Variants in TMEM87A observed in about 807,000 individuals in gnomAD.
The protein encoded by TMEM87A is Golgi-pH regulating cation channel.
A neutral mutation model predicts 90.0 loss-of-function variants in TMEM87A; 50 were observed. The ratio of observed to expected loss-of-function variants is 0.56; its 90% CI spans 0.44 to 0.70. TMEM87A has a LOEUF of 0.70. Ranked by LOEUF, TMEM87A falls within the 30% of genes least tolerant of loss-of-function variation. The probability of loss-of-function intolerance (pLI) is 0.00; values close to 1 mark genes in which losing one functional copy is unlikely to be tolerated. For synonymous variants in TMEM87A, 226 were observed against 226.7 expected (o/e 1.00, Z 0.03); for missense variants, 577 against 660.5 (o/e 0.87, Z 1.39).
intron 3 of TMEM87A, among the ~76,000 whole-genome samples, chr15:42,264,766 A>C (rs2051368767): frequency 6.7e-6 from 1 of 148,262 alleles, no homozygotes; most frequent in Non-Finnish European, 1.5e-5. Flanking sequence ...GGTAAACTGA[A>C]CTCACAGGGA....
At chr15:42,232,177 GC>G in intron 11 of TMEM87A, among the ~76,000 whole-genome samples, 1 of 152,202 alleles carries the variant, frequency 6.6e-6, no homozygotes, top group Non-Finnish European at 1.5e-5. Flanking sequence ...AATTGAAATG[GC>G]CTAGAGAACC....
chr15:42,228,651 T>C (rs2050637151), intron 13 of TMEM87A, 61 bp downstream of exon 13: 3 of 1,443,354 alleles, frequency 2.1e-6, no homozygotes, highest in Non-Finnish European at 2.9e-6. Context: ...GCCTTTCAGG[T>C]TAAGAATGTC....
chr15:42,256,289 C>T (rs572802190), intron 6 of TMEM87A, among the ~76,000 whole-genome samples: 1 of 151,992 alleles, frequency 6.6e-6, no homozygotes, highest in Non-Finnish European at 1.5e-5. Context: ...TACAGGTGTA[C>T]CCCACCACAC....
intron 15 of TMEM87A, among the ~76,000 whole-genome samples, chr15:42,224,876 C>A (rs2050561091): frequency 6.6e-6 from 1 of 150,894 alleles, no homozygotes; most frequent in Non-Finnish European, 1.5e-5. Flanking sequence ...AGAAAGGGGG[C>A]AATGTTTTAA....
intron 6 of TMEM87A, among the ~76,000 whole-genome samples, chr15:42,252,045 C>T (rs530054207): frequency 1.4e-4 from 22 of 152,386 alleles, no homozygotes; most frequent in East Asian, 5.8e-4. Flanking sequence ...GCGTGGGACC[C>T]GCTGAGCCAG....
At chr15:42,263,854 T>A (rs2051344493) in intron 4 of TMEM87A, among the ~76,000 whole-genome samples, 1 of 152,224 alleles carries the variant, frequency 6.6e-6, no homozygotes, top group African/African-American at 2.4e-5. Flanking sequence ...GTAAATTTTA[T>A]GTAGTGTATA....
intron 4 of TMEM87A, among the ~76,000 whole-genome samples, chr15:42,262,759 T>C (rs1313309716): frequency 2.0e-5 from 3 of 152,244 alleles, no homozygotes; most frequent in Admixed American, 1.3e-4. Context: ...TAATAAACTT[T>C]ACTTCTAGTA....
intron 2 of TMEM87A, among the ~76,000 whole-genome samples, chr15:42,270,037 T>C (rs1336076708): frequency 2.1e-5 from 3 of 142,132 alleles, no homozygotes; most frequent in Non-Finnish European, 4.6e-5. Flanking sequence ...AACTGGTAAA[T>C]ATGAGAAAGC....
intron 15 of TMEM87A, among the ~76,000 whole-genome samples, chr15:42,225,693 G>C (rs1454603654): frequency 1.3e-5 from 2 of 151,976 alleles, no homozygotes; most frequent in African/African-American, 4.8e-5. Context: ...TGCCATGCTC[G>C]GTTAATTTTT....
Position 42,228,735 on chromosome 15 carries a change from T to G in TMEM87A, c.1217A>C (p.Asn406Thr). Reference sequence around the variant, plus strand: ...ACCTGCCACTGCCAAAATAAGCGTGTTGGTGAAATGCCGATACAAAGAGAG... The same window carrying G: ...ACCTGCCACTGCCAAAATAAGCGTGGTGGTGAAATGCCGATACAAAGAGAG... ...VKLSLYRHFT[N>T]TLILAVAASI... Residue 406 changes from asparagine (N) to threonine (T), a missense_variant, in exon 13 of 20, where the codon AAC becomes ACC. Asn to Thr is a moderately conservative substitution (Grantham distance 65). Coordinates refer to ENST00000389834, the MANE Select transcript of TMEM87A (RefSeq NM_015497.5). The G allele has an allele frequency of 6.2e-7, 1 of 1,612,766 alleles. No homozygotes were observed. Among genetic ancestry groups the G allele is most frequent in the Non-Finnish European group, 8.5e-7 (1 of 1,179,652 alleles).
At chr15:42,258,156 A>C (rs1363956529) in intron 6 of TMEM87A, 1 of 975,778 alleles carries the variant, frequency 1.0e-6, no homozygotes, top group African/African-American at 1.8e-5. Context: ...AAGACACTAT[A>C]CAAGCATTTA....
chr15:42,237,685 CAATA>C, intron 8 of TMEM87A, 70 bp from the exon 9 acceptor site: 2 of 1,057,940 alleles, frequency 1.9e-6, no homozygotes, highest in Non-Finnish European at 2.5e-6. Context: ...GATTTAGAAT[CAATA>C]TATACTTTTT....
At position 42,211,533 on chromosome 15, in the gene TMEM87A, C is replaced by T; in HGVS notation, c.*175G>A. ...TTTTCTCATCTTATGAACTTGTTTT[C>T]AGTAAGATGTTCTCTTTGTTCTGAC... On this transcript the variant is annotated 3_prime_UTR_variant, in exon 20 of 20. Coordinates refer to ENST00000389834, the MANE Select transcript of TMEM87A (RefSeq NM_015497.5). 1 of 597,318 alleles carries T rather than the reference C, an allele frequency of 1.7e-6. No homozygotes were observed. The highest frequency in any genetic ancestry group is 2.9e-6 in the Non-Finnish European group (1 of 342,354). The allele number at this position is 597,318 out of a possible 1,614,324, so 37.0% of individuals were successfully genotyped here.
chr15:42,251,628 G>C (rs546862540), intron 6 of TMEM87A, among the ~76,000 whole-genome samples: 2 of 152,294 alleles, frequency 1.3e-5, no homozygotes, highest in South Asian at 4.1e-4. Flanking sequence ...CTTCATCTCA[G>C]AGGGACACCC....
rs2051604438 is a variant in TMEM87A, at chr15:42,273,405, AGCCGTGGAGT to A, written c.-17_-8del. ...GCCACGCAGCCGCCGCCATCTTCAC[AGCCGTGGAGT>A]GCCTACCGAAAGCATTTCACCCTCT... On this transcript the variant is annotated 5_prime_UTR_variant, in exon 1 of 20. The change abolishes the stop of an existing upstream ORF in the 5' untranslated region. Coordinates refer to ENST00000389834, the MANE Select transcript of TMEM87A (RefSeq NM_015497.5). 5 of 1,613,784 alleles carry A rather than the reference AGCCGTGGAGT, an allele frequency of 3.1e-6. No homozygotes were observed. Among genetic ancestry groups the A allele is most frequent in the Admixed American group, 1.7e-5 (1 of 60,002 alleles).
chr15:42,260,089 TA>T (rs1187562528), intron 6 of TMEM87A, among the ~76,000 whole-genome samples: 10 of 152,160 alleles, frequency 6.6e-5, no homozygotes, highest in African/African-American at 2.2e-4. Context: ...TAACAACTTT[TA>T]GGCTAGGTGC....
intron 19 of TMEM87A, among the ~76,000 whole-genome samples, chr15:42,212,476 TCTCCA>T (rs1278816250): frequency 4.6e-5 from 7 of 152,208 alleles, no homozygotes; most frequent in African/African-American, 1.4e-4. Context: ...TGCTCTCTGT[TCTCCA>T]CTCCATCCAA....
At chr15:42,254,407 A>G (rs1039794850) in intron 6 of TMEM87A, among the ~76,000 whole-genome samples, 5 of 152,238 alleles carry the variant, frequency 3.3e-5, no homozygotes, top group African/African-American at 1.2e-4. Flanking sequence ...CCTGGACACA[A>G]ATGTTTACAA....
At chr15:42,245,284 C>T (rs760612244) in intron 6 of TMEM87A, among the ~76,000 whole-genome samples, 10 of 152,156 alleles carry the variant, frequency 6.6e-5, no homozygotes, top group Non-Finnish European at 1.3e-4. Context: ...GCCATAATTA[C>T]AGAACCTTTC....
Sources: gnomAD v4.1 joint callset for allele counts (sites outside exome capture counted in the v4.1 genomes callset) on GRCh38, gnomAD v4.1.1 for gene constraint, MANE v1.5 for transcripts, NCBI Gene and HGNC (gene_info 2026-07-23, HGNC 2026-07-21) for gene names.